MSN: variants seen among roughly 807,000 people sequenced by gnomAD.
MSN encodes the protein epididymis luminal protein 70.
MSN carries 2 observed loss-of-function variants against 48.0 expected under a neutral mutation model. The observed-to-expected ratio is 0.04, with a 90% confidence interval of 0.02 to 0.13. The LOEUF is 0.13. Among genes scored for constraint, MSN ranks in the 10% least tolerant of loss-of-function variants. MSN has a pLI of 1.00. For missense variants in MSN, 267 were observed against 470.1 expected, an observed-to-expected ratio of 0.57 and a Z score of 3.99; for synonymous variants, 146 against 166.9, an observed-to-expected ratio of 0.87 and a Z score of 0.97.
intron 1 of MSN, among the ~76,000 whole-genome samples, chrX:65,674,926 T>G (rs1249068386): frequency 8.9e-6 from 1 of 112,397 alleles, no homozygotes; most frequent in Non-Finnish European, 1.9e-5. Flanking sequence ...ATTTAACTTC[T>G]GCACCTCATT....
chrX:65,602,556 T>G (rs779883953), intron 1 of MSN, among the ~76,000 whole-genome samples: 14 of 110,861 alleles, frequency 1.3e-4, no homozygotes, highest in African/African-American at 4.3e-4. Context: ...TCATCAAGCC[T>G]CCTAGATGGT....
Position 65,740,137 on chromosome X carries a change from T to G in MSN, c.*244T>G. On this transcript the variant is annotated 3_prime_UTR_variant, in exon 13 of 13. Transcript: ENST00000360270. ...TTTCTCTTCTCTGTTCCATTGAATC[T>G]GTATGGCTAGAATATCCTACTTCTC... 1 of 319,364 alleles carries G rather than the reference T, an allele frequency of 3.1e-6. No homozygotes were observed. Among genetic ancestry groups the G allele is most frequent in the African/African-American group, 2.6e-5 (1 of 38,945 alleles). The allele number at this position is 319,364 out of a possible 1,213,427, so 26.3% of individuals were successfully genotyped here.
chrX:65,673,921 A>C (rs2070969743), intron 1 of MSN, among the ~76,000 whole-genome samples: 1 of 111,251 alleles, frequency 9.0e-6, no homozygotes, highest in Non-Finnish European at 1.9e-5. Flanking sequence ...CTACCTTCTA[A>C]ATGGCACTCA....
At chrX:65,703,927 A>C (rs2071335813) in intron 1 of MSN, among the ~76,000 whole-genome samples, 1 of 111,805 alleles carries the variant, frequency 8.9e-6, no homozygotes, top group Admixed American at 9.5e-5. Flanking sequence ...TGCATATTTG[A>C]CTAATCCTGG....
chrX:65,629,410 C>T (rs2148364648), intron 1 of MSN, among the ~76,000 whole-genome samples: 1 of 112,162 alleles, frequency 8.9e-6, no homozygotes, highest in South Asian at 3.7e-4. Context: ...CTGAGCCCTC[C>T]AAACTGTTCC....
intron 1 of MSN, among the ~76,000 whole-genome samples, chrX:65,704,121 A>T (rs971044629): frequency 9.0e-6 from 1 of 111,615 alleles, no homozygotes; most frequent in Non-Finnish European, 1.9e-5. Flanking sequence ...AAAAATGGTC[A>T]GTTTCCAGTC....
chrX:65,721,027 AG>A (rs2071511989), intron 2 of MSN, among the ~76,000 whole-genome samples: 3 of 112,180 alleles, frequency 2.7e-5, no homozygotes, highest in African/African-American at 9.7e-5. Flanking sequence ...TCAAGGACAG[AG>A]GTGAAATCTC....
intron 8 of MSN, among the ~76,000 whole-genome samples, chrX:65,736,212 A>G (rs2071674128): frequency 9.0e-6 from 1 of 111,464 alleles, no homozygotes; most frequent in Non-Finnish European, 1.9e-5. Flanking sequence ...GAACAAGAGC[A>G]AAGCAGTGAC....
intron 2 of MSN, among the ~76,000 whole-genome samples, chrX:65,725,618 C>A (rs775107467): frequency 9.0e-6 from 1 of 111,728 alleles, no homozygotes; most frequent in Admixed American, 9.5e-5. Flanking sequence ...CTACCTTCAT[C>A]CTCTGCAAAA....
rs190179109 is a variant in MSN, at chrX:65,639,756, T to A, written c.-22+51144T>A. On this transcript the variant is annotated intron_variant, in intron 1 of 3. Transcript: ENST00000609672. The stretch of plus-strand genomic sequence containing the variant: ...CAGGAAGCAGAAGGCAGTCCCTTAC[T>A]ATTTGATGTCGGAGGGAGTAGAAAT... 2.8e-4 allele frequency among the ~76,000 whole-genome samples: 31 copies of A among 111,847 alleles called. No individual in the cohort carries two copies. In the East Asian group the frequency reaches 7.3e-3, roughly 26 times the overall value.
At chrX:65,598,783 T>G (rs2148350065) in intron 1 of MSN, among the ~76,000 whole-genome samples, 1 of 112,173 alleles carries the variant, frequency 8.9e-6, no homozygotes, top group Admixed American at 9.4e-5. Context: ...CATTGTCTGC[T>G]GCAGAAGAGG....
At chrX:65,660,568 C>CTT (rs1294905291) in intron 1 of MSN, among the ~76,000 whole-genome samples, 10 of 93,716 alleles carry the variant, frequency 1.1e-4, no homozygotes, top group Admixed American at 1.2e-4. Context: ...TGTTCCAGTT[C>CTT]TTTTTTTTTT....
intron 1 of MSN, among the ~76,000 whole-genome samples, chrX:65,680,754 G>A (rs1480535852): frequency 9.1e-6 from 1 of 110,174 alleles, no homozygotes; most frequent in African/African-American, 3.3e-5. Context: ...GTTTTGTTTT[G>A]TTTTGTTTTT....
At chrX:65,639,475 A>G (rs976806496) in intron 1 of MSN, among the ~76,000 whole-genome samples, 1 of 112,201 alleles carries the variant, frequency 8.9e-6, no homozygotes. Context: ...TTGCAGGGTA[A>G]ATAAGCGAAA....
At chrX:65,731,311 G>A (rs2071620084) in intron 5 of MSN, 121 bp downstream of exon 5, 1 of 591,691 alleles carries the variant, frequency 1.7e-6, no homozygotes. Flanking sequence ...AGGGAACAGG[G>A]ACGATAGAAG....
chrX:65,667,601 G>A (rs1424844345), upstream of MSN: 1 of 926,989 alleles, frequency 1.1e-6, no homozygotes, highest in African/African-American at 2.1e-5. Flanking sequence ...CGCGAGGGCG[G>A]GGAGCGGCGC....
intron 2 of MSN, among the ~76,000 whole-genome samples, chrX:65,723,972 A>G (rs1228540333): frequency 9.1e-6 from 1 of 110,378 alleles, no homozygotes; most frequent in African/African-American, 3.3e-5. Context: ...CTTTATGTTC[A>G]CAAAGGAAGA....
intron 1 of MSN, among the ~76,000 whole-genome samples, chrX:65,602,659 G>A (rs1248222891): frequency 9.0e-6 from 1 of 111,595 alleles, no homozygotes; most frequent in African/African-American, 3.3e-5. Flanking sequence ...GTGACAGTGG[G>A]CAGTGGCTTT....
chrX:65,608,056 C>T (rs903694529), intron 1 of MSN, among the ~76,000 whole-genome samples: 1 of 112,151 alleles, frequency 8.9e-6, no homozygotes, highest in Non-Finnish European at 1.9e-5. Context: ...GACTGCCCTT[C>T]CCTGAGGTGC....
Sources: allele counts gnomAD v4.1 joint callset (sites outside exome capture counted in the v4.1 genomes callset), GRCh38; gene constraint gnomAD v4.1.1; transcripts MANE v1.5; gene names NCBI Gene and HGNC (gene_info 2026-07-23, HGNC 2026-07-21).